The following SNCB variants were observed in gnomAD, a reference collection of about 807,000 sequenced individuals.
SNCB encodes synuclein beta.
A neutral mutation model predicts 20.0 loss-of-function variants in SNCB; 8 were observed. The observed-to-expected ratio is 0.40, with a 90% CI of 0.24 to 0.72. The LOEUF is 0.72. Among genes scored for constraint, SNCB ranks in the 30% least tolerant of loss-of-function variants. The probability of loss-of-function intolerance (pLI) is 0.37; values close to 1 mark genes in which losing one functional copy is unlikely to be tolerated. For missense variants in SNCB, 125 were observed against 168.0 expected (o/e 0.74, Z 1.41); for synonymous variants, 56 against 65.4 (o/e 0.86, Z 0.69).
Position 176,626,645 on chromosome 5 carries a change from G to GC in SNCB, c.163+74dup, listed in dbSNP as rs1561900483. On this transcript the variant is annotated intron_variant, in intron 3 of 5. Transcript: ENST00000393693. The surrounding 1 kb of genome is among the most constrained non-coding windows in gnomAD (Gnocchi z 4.2). ...CGCAGAAGCCTTGGGAGTCTCCCCCGCCCCCGCCCTCTGGTTCCCGGCCAG... is the reference window on the plus strand; with the variant it reads ...CGCAGAAGCCTTGGGAGTCTCCCCCGCCCCCCGCCCTCTGGTTCCCGGCCAG... 3.2e-6 allele frequency: 5 copies of GC among 1,561,806 alleles called. No homozygotes were observed. The South Asian group carries it at 5.6e-5, about 17-fold the overall frequency.
At position 176,630,494 on chromosome 5, in the gene SNCB, CGCTCCGGCTCCG is replaced by C. The variant is rs948283267; in HGVS notation, c.-236_-225del. The C allele has an allele frequency of 6.5e-5, 10 of 153,666 alleles. No individual in the cohort carries two copies. In the East Asian group the frequency reaches 9.5e-4, roughly 15 times the overall value. The allele number at this position is 153,666 out of a possible 1,614,324, so 9.5% of individuals were successfully genotyped here. ...GTTCCTCGCGCCCTGCGAGCTCGCG[CGCTCCGGCTCCG>C]GCTCCGGCTCCGGCGCTGCGGCAGC... On this transcript the variant is annotated 5_prime_UTR_variant, in exon 1 of 6. Transcript: ENST00000393693.
In SNCB at chr5:176,629,751, C is replaced by A; in HGVS notation, c.-9-88G>T. 2 of 1,510,972 alleles carry A rather than the reference C, an allele frequency of 1.3e-6. No homozygotes were observed. Among genetic ancestry groups the A allele is most frequent in the African/African-American group, 1.4e-5 (1 of 73,124 alleles). The allele number at this position is 1,510,972 out of a possible 1,614,324, so 93.6% of individuals were successfully genotyped here. Reference sequence around the variant, plus strand: ...GCGGGACGCAGATGCCCCCCTACTCCCGAGACCGCGGCGCCCTTCTGGACC... The same window carrying A: ...GCGGGACGCAGATGCCCCCCTACTCACGAGACCGCGGCGCCCTTCTGGACC... On this transcript the variant is annotated intron_variant, in intron 1 of 5. Coordinates refer to ENST00000393693, the MANE Select transcript of SNCB (RefSeq NM_003085.5). The surrounding 1 kb of genome is among the most constrained non-coding windows in gnomAD (Gnocchi z 4.1).
intron 4 of SNCB, among the ~76,000 whole-genome samples, chr5:176,623,984 A>T (rs1759773499): frequency 6.6e-6 from 1 of 152,232 alleles, no homozygotes; most frequent in Non-Finnish European, 1.5e-5. Flanking sequence ...TGCTCGAAGC[A>T]GAGAGTCTCA....
intron 2 of SNCB, among the ~76,000 whole-genome samples, chr5:176,628,496 C>T (rs150649350): frequency 0.01 from 1,525 of 152,298 alleles, 20 homozygotes; most frequent in African/African-American, 0.031. Context: ...TACAGTCTCT[C>T]GTGGCCATGA....
Position 176,620,869 on chromosome 5 carries a change from T to TAGAGA in SNCB, c.373-31_373-27dup, listed in dbSNP as rs1561894539. 6.2e-7 allele frequency: 1 copy of TAGAGA among 1,609,780 alleles called. No homozygotes were observed. ...CTGCATCACCGGGATGGGGGTGGAGTAGAGAAGAGCAAAAAGGAGGAGGAG... is the reference window on the plus strand; with the variant it reads ...CTGCATCACCGGGATGGGGGTGGAGTAGAGAAGAGAAGAGCAAAAAGGAGGAGGAG... On this transcript the variant is annotated intron_variant, in intron 5 of 5. Transcript: ENST00000393693. This position sits in a 1 kb window ranked among gnomAD's most constrained non-coding sequence, Gnocchi z 4.5.
rs758747909 is a variant in SNCB, at chr5:176,629,582, C to T, written c.73G>A (p.Gly25Arg). 6.2e-7 allele frequency: 1 copy of T among 1,613,748 alleles called. No individual in the cohort carries two copies. The highest frequency in any genetic ancestry group is 1.1e-5 in the South Asian group (1 of 91,024). ...GTCTTCTCCGCCGCCTCGGTGACCC[C>T]CTGCTTGGTTTTCTCCGCGGCTGCC... ...VVAAAEKTKQ[G>R]VTEAAEKTKE... Residue 25 changes from glycine (G) to arginine (R), a missense_variant, in exon 2 of 6, where the codon GGG (glycine) becomes AGG (arginine). Coordinates refer to ENST00000393693, the MANE Select transcript of SNCB (RefSeq NM_003085.5). The surrounding 1 kb of genome is among the most constrained non-coding windows in gnomAD (Gnocchi z 4.1).
At position 176,629,538 on chromosome 5, in the gene SNCB, G is replaced by A. The variant is rs377282196; in HGVS notation, c.117C>T (p.Tyr39=). 1.7e-4 allele frequency: 282 copies of A among 1,612,100 alleles called. No homozygotes were observed. The highest frequency in any genetic ancestry group is 5.0e-4 in the Middle Eastern group (3 of 6,058). The change falls in exon 2 of 6, where the codon TAC becomes TAT. Residue 39 remains tyrosine, a synonymous_variant. Coordinates refer to ENST00000393693, the MANE Select transcript of SNCB (RefSeq NM_003085.5). The surrounding 1 kb of genome is among the most constrained non-coding windows in gnomAD (Gnocchi z 4.1). ...GAAACCCCGCCCCTTACCCACCGAC[G>A]TAGAGGACGCCCTCCTTGGTCTTCT... ...AAEKTKEGVL[Y]VGSKTREGVV...
rs1759589367 is a variant in SNCB, at chr5:176,621,430, T to C, written c.283-127A>G. 2.7e-6 allele frequency: 2 copies of C among 749,406 alleles called. No individual in the cohort carries two copies. The highest frequency in any genetic ancestry group is 3.5e-5 in the African/African-American group (2 of 57,954). 46.4% of individuals were successfully genotyped at this position (749,406 alleles called of 1,614,324 possible). The stretch of plus-strand genomic sequence containing the variant: ...GGGTTGGCAGAGCAAGGATAATTTC[T>C]AATTCAGTTATTTATTTGGAGTGCC... On this transcript the variant is annotated intron_variant, in intron 4 of 5. Coordinates refer to ENST00000393693, the MANE Select transcript of SNCB (RefSeq NM_003085.5). The surrounding 1 kb of genome is among the most constrained non-coding windows in gnomAD (Gnocchi z 4.1).
At chr5:176,624,940 G>A (rs1366459581) in intron 4 of SNCB, among the ~76,000 whole-genome samples, 2 of 152,202 alleles carry the variant, frequency 1.3e-5, no homozygotes, top group African/African-American at 2.4e-5. Context: ...AAAATGACAG[G>A]AGTGGAGGGC....
chr5:176,620,801 TCCTGGGCC>T lies in SNCB; in HGVS notation c.*2_*9del. On this transcript the variant is annotated 3_prime_UTR_variant, in exon 6 of 6. Transcript: ENST00000393693. The surrounding 1 kb of genome is among the most constrained non-coding windows in gnomAD (Gnocchi z 4.5). ...AGAATTGTGCTGCTGGTGGGGGCTC[TCCTGGGCC>T]CCTACGCCTCTGGCTCATACTCCTG... 6.2e-7 allele frequency: 1 copy of T among 1,610,896 alleles called. No individual in the cohort carries two copies. The highest frequency in any genetic ancestry group is 1.3e-5 in the African/African-American group (1 of 74,952).
chr5:176,620,619 G>A lies in SNCB; in HGVS notation c.*192C>T. ...CGACCGCAACCCTGGCCCTGTCCATGCCCCGGGGTTGGACGCGGGCGGGTA... is the reference window on the plus strand; with the variant it reads ...CGACCGCAACCCTGGCCCTGTCCATACCCCGGGGTTGGACGCGGGCGGGTA... On this transcript the variant is annotated 3_prime_UTR_variant, in exon 6 of 6. Coordinates refer to ENST00000393693, the MANE Select transcript of SNCB (RefSeq NM_003085.5). The surrounding 1 kb of genome is among the most constrained non-coding windows in gnomAD (Gnocchi z 4.5). 1 of 618,548 alleles carries A rather than the reference G, an allele frequency of 1.6e-6. No homozygotes were observed. Among genetic ancestry groups the A allele is most frequent in the South Asian group, 1.9e-5 (1 of 52,618 alleles). 38.3% of individuals were successfully genotyped at this position (618,548 alleles called of 1,614,324 possible).
chr5:176,624,994 C>T (rs112958300), intron 4 of SNCB, among the ~76,000 whole-genome samples: 3 of 152,272 alleles, frequency 2.0e-5, no homozygotes, highest in African/African-American at 4.8e-5. Flanking sequence ...TCATGCTGAA[C>T]GTACACTGAT....
At position 176,629,510 on chromosome 5, in the gene SNCB, C is replaced by T; in HGVS notation, c.121+24G>A. ...TCGGGGGACCCCCAGCCCTGCAGCC[C>T]CAGAAACCCCGCCCCTTACCCACCG... On this transcript the variant is annotated intron_variant, in intron 2 of 5. Transcript: ENST00000393693. This position sits in a 1 kb window ranked among gnomAD's most constrained non-coding sequence, Gnocchi z 4.1. The T allele has an allele frequency of 1.2e-6, 2 of 1,611,362 alleles. No individual in the cohort carries two copies. The highest frequency in any genetic ancestry group is 2.7e-5 in the African/African-American group (2 of 74,960).
At chr5:176,622,180 C>T (rs1759644553) in intron 4 of SNCB, among the ~76,000 whole-genome samples, 1 of 152,250 alleles carries the variant, frequency 6.6e-6, no homozygotes, top group South Asian at 2.1e-4. Context: ...TAAGTGGGCC[C>T]TGTGGGCACA....
chr5:176,627,815 CG>C (rs1345614646), intron 2 of SNCB, among the ~76,000 whole-genome samples: 1 of 152,240 alleles, frequency 6.6e-6, no homozygotes, highest in African/African-American at 2.4e-5. Flanking sequence ...CTGGGCCAAT[CG>C]CTCACTGTCT....
chr5:176,623,582 A>G (rs566331463), intron 4 of SNCB, among the ~76,000 whole-genome samples: 9 of 152,182 alleles, frequency 5.9e-5, no homozygotes, highest in African/African-American at 2.2e-4. Context: ...GGGGATAGGA[A>G]CTGGAAGGGG....
rs1759572756 is a variant in SNCB, at chr5:176,621,209, C to G, written c.372+5G>C. ...AAGTCCCGCCCAGCCCTGCTGCCCC[C>G]TCACCTGGGGTGGGTCCTCATAACT... On this transcript the variant is annotated splice_donor_5th_base_variant and intron_variant, in intron 5 of 5. Transcript: ENST00000393693. The surrounding 1 kb of genome is among the most constrained non-coding windows in gnomAD (Gnocchi z 4.1). 2.5e-6 allele frequency: 4 copies of G among 1,610,010 alleles called. No individual in the cohort carries two copies. The East Asian group carries it at 8.9e-5, about 36-fold the overall frequency.
In SNCB at chr5:176,626,518, T is replaced by C; in HGVS notation, c.164-2A>G. 1 of 1,610,334 alleles carries C rather than the reference T, an allele frequency of 6.2e-7. No individual in the cohort carries two copies. Among genetic ancestry groups the C allele is most frequent in the Non-Finnish European group, 8.5e-7 (1 of 1,176,530 alleles). ...CCTGTTCCTTGGTTTTTTCAGCCAC[T>C]GGAGCAGGGAGGGGGTTGAGGAAGG... On this transcript the variant is annotated splice_acceptor_variant, in intron 3 of 5. Transcript: ENST00000393693. LOFTEE classifies it high-confidence loss of function. The surrounding 1 kb of genome is among the most constrained non-coding windows in gnomAD (Gnocchi z 4.2).
chr5:176,630,089 G>C (rs1290521740), intron 1 of SNCB, 191 bp downstream of exon 1: 2 of 157,938 alleles, frequency 1.3e-5, no homozygotes, highest in Admixed American at 1.3e-4. Flanking sequence ...ACATGGGCGC[G>C]GACACACGTC....
Sources: gnomAD v4.1 joint callset for allele counts (sites outside exome capture counted in the v4.1 genomes callset) on GRCh38, gnomAD v4.1.1 for gene constraint, Gnocchi (gnomAD v3.1) non-coding constraint, MANE v1.5 for transcripts, NCBI Gene and HGNC (gene_info 2026-07-23, HGNC 2026-07-21) for gene names.